The following PPDPFL variants were observed in gnomAD, a reference collection of about 807,000 sequenced individuals.
The protein encoded by PPDPFL is pancreatic progenitor cell differentiation and proliferation factor-like protein.
A neutral mutation model predicts 12.6 loss-of-function variants in PPDPFL; 12 were observed. The observed-to-expected ratio is 0.95, with a 90% CI of 0.61 to 1.54. The LOEUF is 1.54. PPDPFL is among the 40% of genes most tolerant of loss of function. PPDPFL has a pLI of 0.00. For synonymous variants in PPDPFL, 24 were observed against 32.7 expected (o/e 0.73, Z 0.91); for missense variants, 114 against 96.0 (o/e 1.19, Z -0.78).
chr8:49,075,595 A>T lies in PPDPFL; in HGVS notation c.*422A>T. The T allele has an allele frequency of 3.4e-6, 1 of 297,870 alleles. No individual in the cohort carries two copies. Among genetic ancestry groups the T allele is most frequent in the East Asian group, 6.7e-5 (1 of 14,824 alleles). The allele number at this position is 297,870 out of a possible 1,614,324, so 18.5% of individuals were successfully genotyped here. A position where few individuals can be genotyped will look rare whatever the true frequency, so the allele number is the denominator to read the frequency against. On this transcript the variant is annotated 3_prime_UTR_variant, in exon 5 of 5. Transcript: ENST00000522267. ...CATTTTTATTAAAAAAACTTAAGTT[A>T]GACTCTTTTTCTGTCTGTTGAGTGA...
upstream of PPDPFL, among the ~76,000 whole-genome samples, chr8:49,072,126 A>G (rs886259852): frequency 1.4e-4 from 21 of 152,246 alleles, no homozygotes; most frequent in Admixed American, 3.9e-4. Context: ...CTGAGTCCAA[A>G]AGAGCATTGG....
At chr8:49,066,552 G>C (rs1246448582) in intron 1 of PPDPFL, among the ~76,000 whole-genome samples, 1 of 152,150 alleles carries the variant, frequency 6.6e-6, no homozygotes, top group Non-Finnish European at 1.5e-5. Context: ...GATTTATCGG[G>C]AAAGCATATG....
intron 1 of PPDPFL, among the ~76,000 whole-genome samples, chr8:49,062,959 G>A (rs141779895): frequency 2.0e-5 from 3 of 152,218 alleles, no homozygotes; most frequent in Non-Finnish European, 4.4e-5. Context: ...GTAACACCAC[G>A]GGAAGTGCAT....
At chr8:49,054,395 AT>A (rs896531947) in intron 1 of PPDPFL, 1 of 152,070 alleles carries the variant, frequency 6.6e-6, no homozygotes, top group Non-Finnish European at 1.5e-5. Context: ...CTTCCTTATG[AT>A]TTTTTAATAA....
chr8:49,072,016 T>A (rs1329582946), upstream of PPDPFL, among the ~76,000 whole-genome samples: 5 of 152,184 alleles, frequency 3.3e-5, no homozygotes, highest in African/African-American at 4.8e-5. Flanking sequence ...GTGCCCAGCG[T>A]GGTGCTGCAG....
intron 1 of PPDPFL, among the ~76,000 whole-genome samples, chr8:49,057,032 T>C (rs1482042255): frequency 1.3e-5 from 2 of 152,198 alleles, no homozygotes; most frequent in Admixed American, 1.3e-4. Flanking sequence ...CACTTGGTGA[T>C]TATTATTGCA....
chr8:49,068,103 G>C (rs959634228), upstream of PPDPFL, among the ~76,000 whole-genome samples: 1 of 152,184 alleles, frequency 6.6e-6, no homozygotes, highest in Non-Finnish European at 1.5e-5. Flanking sequence ...ACCAGGCAAA[G>C]AAGGGATGCA....
At chr8:49,055,881 T>A (rs1029356340) in intron 1 of PPDPFL, among the ~76,000 whole-genome samples, 1 of 152,188 alleles carries the variant, frequency 6.6e-6, no homozygotes, top group Non-Finnish European at 1.5e-5. Flanking sequence ...AAAAATGGTA[T>A]TTTGTCAGTT....
intron 1 of PPDPFL, among the ~76,000 whole-genome samples, chr8:49,057,267 T>TA (rs1808125405): frequency 6.6e-6 from 1 of 152,226 alleles, no homozygotes; most frequent in African/African-American, 2.4e-5. Flanking sequence ...TCAACATTTT[T>TA]ATTAGTCTGA....
At chr8:49,072,719 C>A (rs749591697) in intron 1 of PPDPFL, 68 bp from the exon 2 acceptor site, 19 of 674,890 alleles carry the variant, frequency 2.8e-5, no homozygotes, top group Non-Finnish European at 4.5e-5. Flanking sequence ...GTAACAGTCA[C>A]GTGGAAAAAA....
chr8:49,064,951 T>C (rs1808270957), intron 1 of PPDPFL, among the ~76,000 whole-genome samples: 1 of 152,112 alleles, frequency 6.6e-6, no homozygotes, highest in African/African-American at 2.4e-5. Context: ...TGCTAGACAA[T>C]AAAGGGTGTT....
chr8:49,068,396 G>A (rs866865666), upstream of PPDPFL, among the ~76,000 whole-genome samples: 35 of 152,230 alleles, frequency 2.3e-4, 1 homozygote, highest in African/African-American at 6.3e-4. Flanking sequence ...GAGAACACTC[G>A]AAATGAACCT....
rs1034081846 is a variant in PPDPFL at position 49,075,718 on chromosome 8, A to G, written c.*545A>G. ...TTTAGAAAATAATTGTAAAAATTCA[A>G]TTTTTTTAAAAGAATGAAGGTTGGA... On this transcript the variant is annotated 3_prime_UTR_variant, in exon 5 of 5. Coordinates refer to ENST00000522267, the MANE Select transcript of PPDPFL (RefSeq NM_001256597.2). The G allele has an allele frequency of 1.2e-5, 2 of 170,470 alleles. No individual in the cohort carries two copies. Among genetic ancestry groups the G allele is most frequent in the Admixed American group, 1.1e-4 (2 of 17,440 alleles). 10.6% of individuals were successfully genotyped at this position (170,470 alleles called of 1,614,324 possible).
chr8:49,060,428 C>T (rs1018281356), intron 1 of PPDPFL, among the ~76,000 whole-genome samples: 6 of 152,090 alleles, frequency 3.9e-5, no homozygotes, highest in Non-Finnish European at 1.5e-5. Context: ...ATTCTCCTGC[C>T]TCAGCCTCCC....
At chr8:49,065,780 G>C (rs1808289224) in intron 1 of PPDPFL, among the ~76,000 whole-genome samples, 2 of 152,178 alleles carry the variant, frequency 1.3e-5, no homozygotes. Flanking sequence ...AAACATTCTG[G>C]TGACATCAGC....
Position 49,075,586 on chromosome 8 carries a change from A to T in PPDPFL, c.*413A>T, listed in dbSNP as rs1254483361. ...TTTTTATATCATTTTTATTAAAAAAACTTAAGTTAGACTCTTTTTCTGTCT... is the reference window on the plus strand; with the variant it reads ...TTTTTATATCATTTTTATTAAAAAATCTTAAGTTAGACTCTTTTTCTGTCT... On this transcript the variant is annotated 3_prime_UTR_variant, in exon 5 of 5. Coordinates refer to ENST00000522267, the MANE Select transcript of PPDPFL (RefSeq NM_001256597.2). 6 of 314,080 alleles carry T rather than the reference A, an allele frequency of 1.9e-5. No homozygotes were observed. The highest frequency in any genetic ancestry group is 3.5e-5 in the Non-Finnish European group (6 of 169,130). The allele number at this position is 314,080 out of a possible 1,614,324, so 19.5% of individuals were successfully genotyped here. A position where few individuals can be genotyped will look rare whatever the true frequency, so the allele number is the denominator to read the frequency against.
In PPDPFL at chr8:49,059,565, G is replaced by T. The variant is rs1167473273; in HGVS notation, c.-45+5196G>T. Reference sequence around the variant, plus strand: ...TATTTTAGCAATATTTTCTCTAGATGGCAAGCAAAACTATTGTTATGCAAA... The same window carrying T: ...TATTTTAGCAATATTTTCTCTAGATTGCAAGCAAAACTATTGTTATGCAAA... On this transcript the variant is annotated intron_variant, in intron 1 of 4. Transcript: ENST00000517663. Among the ~76,000 whole-genome samples, 3 of 152,174 alleles carry T rather than the reference G, an allele frequency of 2.0e-5. No homozygotes were observed. The South Asian group carries it at 6.2e-4, about 32-fold the overall frequency.
chr8:49,057,045 C>G (rs1265137720), intron 1 of PPDPFL, among the ~76,000 whole-genome samples: 3 of 152,136 alleles, frequency 2.0e-5, no homozygotes, highest in African/African-American at 7.2e-5. Flanking sequence ...TTATTGCAAA[C>G]TTGGTATTCA....
Position 49,075,437 on chromosome 8 carries a change from A to G in PPDPFL, c.*264A>G, listed in dbSNP as rs1808480063. 3 of 664,928 alleles carry G rather than the reference A, an allele frequency of 4.5e-6. No individual in the cohort carries two copies. Among genetic ancestry groups the G allele is most frequent in the African/African-American group, 3.6e-5 (2 of 55,618 alleles). The allele number at this position is 664,928 out of a possible 1,614,324, so 41.2% of individuals were successfully genotyped here. A position where few individuals can be genotyped will look rare whatever the true frequency, so the allele number is the denominator to read the frequency against. On this transcript the variant is annotated 3_prime_UTR_variant, in exon 5 of 5. Transcript: ENST00000522267. The stretch of plus-strand genomic sequence containing the variant: ...TTTAGGCATTTTTCTCAACACAAAG[A>G]CTATCGCTGGAAGTGGCACTTGCTA...
Sources: allele counts gnomAD v4.1 joint callset (sites outside exome capture counted in the v4.1 genomes callset), GRCh38; gene constraint gnomAD v4.1.1; transcripts MANE v1.5; gene names NCBI Gene and HGNC (gene_info 2026-07-23, HGNC 2026-07-21).